Variants in ABCA10 observed in about 807,000 individuals in gnomAD.
The protein encoded by ABCA10 is ATP-binding cassette sub-family A member 10.
A neutral mutation model predicts 187.5 loss-of-function variants in ABCA10; 169 were observed. The observed-to-expected ratio is 0.90, with a 90% CI of 0.80 to 1.02. The LOEUF is 1.02. Among genes scored for constraint, ABCA10 ranks in the 50% least tolerant of loss-of-function variants. The probability of loss-of-function intolerance (pLI) is 0.00; values close to 1 mark genes in which losing one functional copy is unlikely to be tolerated. For missense variants in ABCA10, 1,727 were observed against 1,812.4 expected, an observed-to-expected ratio of 0.95 and a Z score of 0.86; for synonymous variants, 574 against 601.8, an observed-to-expected ratio of 0.95 and a Z score of 0.68.
Position 69,216,216 on chromosome 17 carries a change from C to G in ABCA10, c.672+1G>C. The G allele has an allele frequency of 6.2e-7, 1 of 1,606,408 alleles. No homozygotes were observed. On this transcript the variant is annotated splice_donor_variant, in intron 7 of 38. Transcript: ENST00000690296. LOFTEE classifies it high-confidence loss of function. ...GAGGTAATATGCTTTTACCAACTCA[C>G]CAAAGAAAGGCCATATAAGCTATAG...
chr17:69,174,830 G>A (rs78782274), intron 23 of ABCA10, 53 bp from the exon 24 acceptor site: 5 of 1,421,116 alleles, frequency 3.5e-6, no homozygotes, highest in African/African-American at 2.9e-5. Context: ...AAAAGATTTT[G>A]TGGTTATGTA....
intron 6 of ABCA10, among the ~76,000 whole-genome samples, chr17:69,217,583 A>G (rs576322061): frequency 6.6e-6 from 1 of 152,364 alleles, no homozygotes; most frequent in East Asian, 1.9e-4. Context: ...CAACAATAAG[A>G]AAAAACAAGC....
At chr17:69,172,269 A>G (rs553106477) in intron 25 of ABCA10, among the ~76,000 whole-genome samples, 5 of 152,246 alleles carry the variant, frequency 3.3e-5, no homozygotes, top group South Asian at 2.1e-4. Flanking sequence ...TCCCCAAAAT[A>G]TATATGTTTA....
chr17:69,166,873 A>G (rs2074258042), intron 25 of ABCA10, among the ~76,000 whole-genome samples: 1 of 152,196 alleles, frequency 6.6e-6, no homozygotes, highest in Non-Finnish European at 1.5e-5. Flanking sequence ...GACACTGATT[A>G]GTAGAAAACA....
At position 69,214,742 on chromosome 17, in the gene ABCA10, T is replaced by C. The variant is rs781747831; in HGVS notation, c.968A>G (p.Tyr323Cys). ...FFILAFDTLF[Y>C]LIFTLYFERV... Reference sequence around the variant, plus strand: ...CTCAAAATATAATGTGAATATCAAATAGAAAAGAGTATCAAATGCCAAAAT... The same window carrying C: ...CTCAAAATATAATGTGAATATCAAACAGAAAAGAGTATCAAATGCCAAAAT... Residue 323 changes from tyrosine (Y) to cysteine (C), a missense_variant, in exon 9 of 39, where the codon TAT (tyrosine) becomes TGT (cysteine). Transcript: ENST00000690296. The C allele has an allele frequency of 2.6e-6, 4 of 1,518,054 alleles. No homozygotes were observed. The highest frequency in any genetic ancestry group is 8.8e-7 in the Non-Finnish European group (1 of 1,141,558). The allele number at this position is 1,518,054 out of a possible 1,614,324, so 94.0% of individuals were successfully genotyped here.
intron 16 of ABCA10, among the ~76,000 whole-genome samples, chr17:69,191,568 A>T (rs530228068): frequency 1.3e-5 from 2 of 152,318 alleles, no homozygotes; most frequent in East Asian, 3.9e-4. Context: ...CTTTAAATGT[A>T]ACTAAAGCAC....
chr17:69,152,586 A>G (rs1275650029), intron 34 of ABCA10, 105 bp from the exon 35 acceptor site: 3 of 1,463,614 alleles, frequency 2.0e-6, no homozygotes, highest in Non-Finnish European at 2.7e-6. Flanking sequence ...GTTAGGATGC[A>G]AGAAACCTGT....
chr17:69,223,490 G>A, intron 3 of ABCA10: 1 of 303,334 alleles, frequency 3.3e-6, no homozygotes, highest in Non-Finnish European at 6.4e-6. Context: ...CAGAAGCTTT[G>A]AAAATCACTG....
intron 19 of ABCA10, among the ~76,000 whole-genome samples, chr17:69,186,065 T>A (rs912496686): frequency 6.6e-6 from 1 of 152,244 alleles, no homozygotes; most frequent in African/African-American, 2.4e-5. Flanking sequence ...TCTTCAATTG[T>A]TAGTTTACAA....
chr17:69,149,455 G>A (rs1350620796), intron 37 of ABCA10: 10 of 208,736 alleles, frequency 4.8e-5, no homozygotes, highest in Non-Finnish European at 5.8e-5. Flanking sequence ...TACATTCTGC[G>A]TCAATAGCCA....
intron 28 of ABCA10, among the ~76,000 whole-genome samples, chr17:69,156,156 GCT>G (rs1372205923): frequency 6.6e-6 from 1 of 151,972 alleles, no homozygotes; most frequent in East Asian, 1.9e-4. Context: ...CTGTCAACTG[GCT>G]CTGTCACTTC....
At chr17:69,181,308 AT>A (rs1367196865) in intron 22 of ABCA10, among the ~76,000 whole-genome samples, 1 of 152,188 alleles carries the variant, frequency 6.6e-6, no homozygotes, top group African/African-American at 2.4e-5. Flanking sequence ...CCATTCACTG[AT>A]TTAAGTAAAT....
Position 69,148,442 on chromosome 17 carries a change from A to G in ABCA10, c.*385T>C, listed in dbSNP as rs2074104375. 1 of 164,492 alleles carries G rather than the reference A, an allele frequency of 6.1e-6. No homozygotes were observed. Among genetic ancestry groups the G allele is most frequent in the Admixed American group, 6.1e-5 (1 of 16,512 alleles). 10.2% of individuals were successfully genotyped at this position (164,492 alleles called of 1,614,324 possible). A position where few individuals can be genotyped will look rare whatever the true frequency, so the allele number is the denominator to read the frequency against. On this transcript the variant is annotated 3_prime_UTR_variant, in exon 39 of 39. Transcript: ENST00000690296. ...TCACATTAAATTAGAATCCGAGTAA[A>G]TAATGTTTAAAAATAGCTGATACAT...
At chr17:69,230,460 C>T (rs1161578863), upstream of ABCA10, among the ~76,000 whole-genome samples, 1 of 152,024 alleles carries the variant, frequency 6.6e-6, no homozygotes, top group Non-Finnish European at 1.5e-5. Context: ...CTCTGTTACA[C>T]ATTTATAATA....
chr17:69,215,760 T>C lies in ABCA10; in HGVS notation c.858+55A>G, dbSNP rs554114140. ...TTTCATGAGGCACCAAATTCTTGAATAAGAACATATTTTGAAAATCTAATA... is the reference window on the plus strand; with the variant it reads ...TTTCATGAGGCACCAAATTCTTGAACAAGAACATATTTTGAAAATCTAATA... On this transcript the variant is annotated intron_variant, in intron 8 of 38. Transcript: ENST00000690296. 81 of 1,361,802 alleles carry C rather than the reference T, an allele frequency of 5.9e-5. 1 individual carries two copies. Among genetic ancestry groups the C allele is most frequent in the Admixed American group, 1.2e-4 (4 of 33,760 alleles). 84.4% of individuals were successfully genotyped at this position (1,361,802 alleles called of 1,614,324 possible).
chr17:69,193,628 C>A lies in ABCA10; in HGVS notation c.1522-16G>T. On this transcript the variant is annotated splice_polypyrimidine_tract_variant and intron_variant, in intron 13 of 38. Coordinates refer to ENST00000690296, the MANE Select transcript of ABCA10 (RefSeq NM_001377321.1). ...TTCTTTTTACCTATCAAAGAAAACT[C>A]TGTGTTAACAATATCAAATATTTTA... The A allele has an allele frequency of 6.3e-7, 1 of 1,590,852 alleles. No homozygotes were observed. Among genetic ancestry groups the A allele is most frequent in the Non-Finnish European group, 8.6e-7 (1 of 1,166,568 alleles).
intron 5 of ABCA10, among the ~76,000 whole-genome samples, chr17:69,221,330 C>T (rs2074746057): frequency 6.6e-6 from 1 of 152,080 alleles, no homozygotes; most frequent in African/African-American, 2.4e-5. Context: ...AGGAGGACAA[C>T]CCTTTCAAGA....
chr17:69,156,598 C>T (rs1419288021), intron 28 of ABCA10, among the ~76,000 whole-genome samples: 2 of 151,782 alleles, frequency 1.3e-5, no homozygotes, highest in Non-Finnish European at 2.9e-5. Flanking sequence ...GGTTTGAGAC[C>T]AATCTGAGCA....
At chr17:69,169,528 C>A (rs547061713) in intron 25 of ABCA10, among the ~76,000 whole-genome samples, 1 of 152,146 alleles carries the variant, frequency 6.6e-6, no homozygotes, top group East Asian at 1.9e-4. Context: ...AAAAAGTGCA[C>A]GCAAATGCAA....
Sources: allele counts gnomAD v4.1 joint callset (sites outside exome capture counted in the v4.1 genomes callset), GRCh38; gene constraint gnomAD v4.1.1; transcripts MANE v1.5; gene names NCBI Gene and HGNC (gene_info 2026-07-23, HGNC 2026-07-21).